LRP1B: variants seen among roughly 807,000 people sequenced by gnomAD.
The protein encoded by LRP1B is LDL receptor related protein 1B.
A neutral mutation model predicts 556.6 loss-of-function variants in LRP1B; 217 were observed. That is an observed-to-expected ratio of 0.39 (90% CI 0.35 to 0.44). The LOEUF is 0.44. Among genes scored for constraint, LRP1B ranks in the 20% least tolerant of loss-of-function variants. The probability of loss-of-function intolerance (pLI) is 1.00; values close to 1 mark genes in which losing one functional copy is unlikely to be tolerated. For missense variants in LRP1B, 5,053 were observed against 5,620.8 expected, an observed-to-expected ratio of 0.90 and a Z score of 3.23; for synonymous variants, 2,047 against 1,865.8, an observed-to-expected ratio of 1.10 and a Z score of -2.50.
intron 2 of LRP1B, among the ~76,000 whole-genome samples, chr2:141,624,828 G>A (rs1688644649): frequency 6.6e-6 from 1 of 152,050 alleles, no homozygotes; most frequent in South Asian, 2.1e-4. Context: ...GGAGTGCAGT[G>A]GCGCGATCTC....
intron 32 of LRP1B, among the ~76,000 whole-genome samples, chr2:140,798,147 C>T (rs1270621178): frequency 6.6e-6 from 1 of 152,104 alleles, no homozygotes; most frequent in African/African-American, 2.4e-5. Flanking sequence ...GGAATATAAG[C>T]TACCTAAGGA....
rs186013402 is a variant in LRP1B, at chr2:141,447,182, C to T, written c.343+33214G>A. 8.9e-3 allele frequency among the ~76,000 whole-genome samples: 1,357 copies of T among 151,658 alleles called. 20 individuals carry two copies. The highest frequency in any genetic ancestry group is 0.031 in the African/African-American group (1,287 of 41,366). On this transcript the variant is annotated intron_variant, in intron 3 of 90. Transcript: ENST00000389484. ...AAGTTGATCTTCAATCTCTGATATC[C>T]TTTCTTCTGCTTGATCGATTTGGCT...
intron 3 of LRP1B, among the ~76,000 whole-genome samples, chr2:141,337,127 C>T (rs552495756): frequency 1.3e-5 from 2 of 152,230 alleles, no homozygotes; most frequent in South Asian, 4.1e-4. Flanking sequence ...AACTGTTTTC[C>T]AGAGTGGCTG....
chr2:141,200,448 G>C, intron 6 of LRP1B, among the ~76,000 whole-genome samples: 1 of 152,040 alleles, frequency 6.6e-6, no homozygotes, highest in East Asian at 1.9e-4. Context: ...TAATACCTAG[G>C]TGATGAAATC....
intron 81 of LRP1B, 129 bp from the exon 82 acceptor site, chr2:140,322,217 T>C (rs1680179535): frequency 2.4e-6 from 2 of 850,198 alleles, no homozygotes; most frequent in Non-Finnish European, 3.7e-6. Context: ...TTTCCACTGA[T>C]GTGGAGTATC....
At chr2:141,539,142 G>T (rs1318531939) in intron 2 of LRP1B, among the ~76,000 whole-genome samples, 1 of 152,064 alleles carries the variant, frequency 6.6e-6, no homozygotes, top group Non-Finnish European at 1.5e-5. Flanking sequence ...TTCCTGAATT[G>T]AACACAAACT....
At chr2:141,722,335 G>A (rs1031064836) in intron 2 of LRP1B, among the ~76,000 whole-genome samples, 5 of 152,124 alleles carry the variant, frequency 3.3e-5, no homozygotes, top group African/African-American at 9.7e-5. Context: ...CCAAGATGGC[G>A]CCACTGCACT....
intron 3 of LRP1B, among the ~76,000 whole-genome samples, chr2:141,421,396 G>T (rs1680135309): frequency 6.6e-6 from 1 of 150,886 alleles, no homozygotes; most frequent in East Asian, 2.0e-4. Context: ...GGGCGTAGTG[G>T]CGGGCGCCTG....
At chr2:141,314,432 G>A (rs1686921394) in intron 3 of LRP1B, among the ~76,000 whole-genome samples, 1 of 152,106 alleles carries the variant, frequency 6.6e-6, no homozygotes, top group Non-Finnish European at 1.5e-5. Context: ...GGAATGTATA[G>A]TTAAAAGAAA....
chr2:142,034,998 A>C (rs1703831118), intron 1 of LRP1B, among the ~76,000 whole-genome samples: 1 of 151,834 alleles, frequency 6.6e-6, no homozygotes. Context: ...TGTATGAATA[A>C]AGATCTTATT....
chr2:141,173,766 C>T (rs111285203), intron 7 of LRP1B, among the ~76,000 whole-genome samples: 1,676 of 151,990 alleles, frequency 0.011, 20 homozygotes, highest in Non-Finnish European at 0.019. Context: ...AAATGTGGCT[C>T]TCTGATGATG....
chr2:141,493,996 C>T (rs1683426783), intron 2 of LRP1B, among the ~76,000 whole-genome samples: 1 of 152,156 alleles, frequency 6.6e-6, no homozygotes, highest in African/African-American at 2.4e-5. Context: ...AAAACCCTTC[C>T]TTTAAGCATT....
chr2:140,346,003 T>C (rs991094655), intron 77 of LRP1B, among the ~76,000 whole-genome samples: 3 of 150,944 alleles, frequency 2.0e-5, no homozygotes, highest in Non-Finnish European at 3.0e-5. Flanking sequence ...TTAATTCCTT[T>C]AATACATTTT....
intron 7 of LRP1B, among the ~76,000 whole-genome samples, chr2:141,098,793 G>T (rs1700386902): frequency 6.6e-6 from 1 of 152,160 alleles, no homozygotes; most frequent in Non-Finnish European, 1.5e-5. Context: ...AAGTAGCTGG[G>T]ATTACAGGCA....
At chr2:141,075,319 T>C (rs573845508) in intron 7 of LRP1B, among the ~76,000 whole-genome samples, 113 of 152,268 alleles carry the variant, frequency 7.4e-4, no homozygotes, top group Non-Finnish European at 1.2e-3. Context: ...TTCAATTGAG[T>C]AAAAACAGCA....
At chr2:140,301,763 GTATA>G (rs1475063164) in intron 83 of LRP1B, among the ~76,000 whole-genome samples, 1 of 151,494 alleles carries the variant, frequency 6.6e-6, no homozygotes, top group African/African-American at 2.4e-5. Context: ...ACACATATAT[GTATA>G]TTTTCTGTAG....
rs1447970379 is a variant in LRP1B at position 140,875,916 on chromosome 2, A to G, written c.4170-7653T>C. On this transcript the variant is annotated intron_variant, in intron 25 of 90. Transcript: ENST00000389484. ...TAAATTATTGTGTGCCACAGAGGTA[A>G]CAAATTTCCTTGTCAATGGTGTCTT... 2.6e-5 allele frequency among the ~76,000 whole-genome samples: 4 copies of G among 152,192 alleles called. 1 individual carries two copies. The highest frequency in any genetic ancestry group is 9.6e-5 in the African/African-American group (4 of 41,460).
intron 43 of LRP1B, among the ~76,000 whole-genome samples, chr2:140,568,257 CA>C (rs1203904608): frequency 3.6e-5 from 5 of 140,258 alleles, no homozygotes; most frequent in Admixed American, 1.4e-4. Context: ...GGAAAAATAC[CA>C]AATGGATTAG....
intron 2 of LRP1B, among the ~76,000 whole-genome samples, chr2:141,768,039 T>G (rs1402357314): frequency 1.3e-5 from 2 of 152,162 alleles, no homozygotes. Flanking sequence ...CTTGAGATGC[T>G]TATCCCAGTA....
Sources: gnomAD v4.1 joint callset for allele counts (sites outside exome capture counted in the v4.1 genomes callset) on GRCh38, gnomAD v4.1.1 for gene constraint, MANE v1.5 for transcripts, NCBI Gene and HGNC (gene_info 2026-07-23, HGNC 2026-07-21) for gene names.